Variants in STK32B observed in about 807,000 individuals in gnomAD.
The protein encoded by STK32B is serine/threonine-protein kinase 32B.
A neutral mutation model predicts 52.6 loss-of-function variants in STK32B; 43 were observed. The observed-to-expected ratio is 0.82, with a 90% CI of 0.64 to 1.05. The LOEUF (loss-of-function observed/expected upper bound fraction) is 1.05. Ranked by LOEUF, STK32B falls within the 50% of genes least tolerant of loss-of-function variation. The pLI is 0.00. For synonymous variants in STK32B, 238 were observed against 204.3 expected (o/e 1.17, Z -1.41); for missense variants, 621 against 534.6 (o/e 1.16, Z -1.59).
Position 5,092,102 on chromosome 4 carries a change from G to T in STK32B, c.52+40187G>T, listed in dbSNP as rs116824644. 6.4e-3 allele frequency among the ~76,000 whole-genome samples: 977 copies of T among 152,328 alleles called. 9 individuals are homozygous for T. Among genetic ancestry groups the T allele is most frequent in the African/African-American group, 0.022 (898 of 41,574 alleles). ...CTTCTTGCTGGAGTGAAACGTCCTG[G>T]AATTAGATAGAGGTATGGAATTAGA... On this transcript the variant is annotated intron_variant, in intron 1 of 11. Transcript: ENST00000282908.
chr4:5,072,716 C>G (rs1266013262), intron 1 of STK32B, among the ~76,000 whole-genome samples: 1 of 152,148 alleles, frequency 6.6e-6, no homozygotes. Context: ...CCTTCTGTTA[C>G]TGGTGTACTG....
At position 5,380,916 on chromosome 4, in the gene STK32B, C is replaced by T. The variant is rs1057388142; in HGVS notation, c.435-17291C>T. ...AGCTCATCATAGTTGTCAGTGCCAACGTCATCATTATCCTCTCCAGCAGCC... is the reference window on the plus strand; with the variant it reads ...AGCTCATCATAGTTGTCAGTGCCAATGTCATCATTATCCTCTCCAGCAGCC... On this transcript the variant is annotated intron_variant, in intron 4 of 11. Coordinates refer to ENST00000282908, the MANE Select transcript of STK32B (RefSeq NM_018401.3). The surrounding 1 kb of genome is among the most constrained non-coding windows in gnomAD (Gnocchi z 4.3). Among the ~76,000 whole-genome samples, 4 of 152,142 alleles carry T rather than the reference C, an allele frequency of 2.6e-5. No individual in the cohort carries two copies. The highest frequency in any genetic ancestry group is 4.1e-4 in the South Asian group (2 of 4,824).
chr4:5,019,805 G>T, the STK32B span, among the ~76,000 whole-genome samples: 1 of 152,134 alleles, frequency 6.6e-6, no homozygotes, highest in African/African-American at 2.4e-5. Context: ...GGAGGGGAGG[G>T]TCAGAGGAGA....
intron 2 of STK32B, among the ~76,000 whole-genome samples, chr4:5,141,271 G>A (rs1394715556): frequency 1.3e-5 from 2 of 152,174 alleles, no homozygotes; most frequent in African/African-American, 4.8e-5. Flanking sequence ...TGTCAGGGAC[G>A]TCCTTGATAA....
chr4:5,268,451 A>G (rs1367410453), intron 3 of STK32B, among the ~76,000 whole-genome samples: 1 of 151,364 alleles, frequency 6.6e-6, no homozygotes, highest in Non-Finnish European at 1.5e-5. Flanking sequence ...ACATTCCTTG[A>G]CTAATGTTTG....
At chr4:5,225,522 T>C (rs1723807601) in intron 3 of STK32B, among the ~76,000 whole-genome samples, 1 of 152,230 alleles carries the variant, frequency 6.6e-6, no homozygotes, top group Non-Finnish European at 1.5e-5. Flanking sequence ...TCACTTTCCA[T>C]GGTTTCAGTT....
At chr4:5,035,578 CT>C in the STK32B span, among the ~76,000 whole-genome samples, 1 of 152,154 alleles carries the variant, frequency 6.6e-6, no homozygotes, top group East Asian at 1.9e-4. Context: ...GCACTCTGCT[CT>C]TTGTCAGAGT....
chr4:5,088,312 T>C, intron 1 of STK32B, among the ~76,000 whole-genome samples: 1 of 151,936 alleles, frequency 6.6e-6, no homozygotes, highest in East Asian at 1.9e-4. Context: ...CTCATGGACA[T>C]AGAGAGTAGA....
At chr4:5,225,651 A>G (rs1417140156) in intron 3 of STK32B, among the ~76,000 whole-genome samples, 1 of 152,140 alleles carries the variant, frequency 6.6e-6, no homozygotes, top group Admixed American at 6.5e-5. Flanking sequence ...CACAGCATTT[A>G]GCCAGCACTT....
intron 5 of STK32B, among the ~76,000 whole-genome samples, chr4:5,412,049 T>C (rs1711732942): frequency 6.6e-6 from 1 of 151,924 alleles, no homozygotes; most frequent in South Asian, 2.1e-4. Context: ...TTCCAAGGGG[T>C]GTCAAAGGGT....
intron 5 of STK32B, among the ~76,000 whole-genome samples, chr4:5,406,108 A>AG (rs765851787): frequency 4.9e-4 from 74 of 152,326 alleles, no homozygotes; most frequent in Non-Finnish European, 8.8e-4. Flanking sequence ...TCCAAAAGGG[A>AG]GAGATCAGCT....
At chr4:5,115,004 T>C (rs1345639872) in intron 1 of STK32B, among the ~76,000 whole-genome samples, 1 of 152,160 alleles carries the variant, frequency 6.6e-6, no homozygotes, top group Admixed American at 6.5e-5. Flanking sequence ...AGACACCTGC[T>C]CGACATGGGG....
intron 1 of STK32B, among the ~76,000 whole-genome samples, chr4:5,085,116 G>A (rs893001260): frequency 3.5e-4 from 53 of 152,188 alleles, no homozygotes; most frequent in African/African-American, 1.2e-3. Context: ...AAATCCTGCA[G>A]TATGGTTTAC....
chr4:5,450,036 T>A (rs1004161773), intron 7 of STK32B, among the ~76,000 whole-genome samples: 5 of 152,104 alleles, frequency 3.3e-5, no homozygotes, highest in Admixed American at 3.3e-4. Context: ...TGGAAAAAAA[T>A]GTCTTCCACA....
chr4:5,101,356 AAG>A (rs1416825699), intron 1 of STK32B, among the ~76,000 whole-genome samples: 5 of 152,182 alleles, frequency 3.3e-5, no homozygotes, highest in African/African-American at 4.8e-5. Context: ...GTTTCTCTGA[AAG>A]AGAGAGGGGA....
intron 1 of STK32B, among the ~76,000 whole-genome samples, chr4:5,099,430 C>T (rs867200448): frequency 8.7e-6 from 1 of 114,380 alleles, no homozygotes. Flanking sequence ...TTCTGCAGTC[C>T]TCTGTGTGTG....
intron 3 of STK32B, among the ~76,000 whole-genome samples, chr4:5,206,503 G>A (rs999078159): frequency 4.6e-5 from 7 of 152,138 alleles, no homozygotes; most frequent in Admixed American, 2.0e-4. Flanking sequence ...TGACAGAGGC[G>A]TGACTTCTTC....
chr4:5,061,539 A>G (rs1742217979), intron 1 of STK32B, among the ~76,000 whole-genome samples: 1 of 152,170 alleles, frequency 6.6e-6, no homozygotes, highest in Admixed American at 6.5e-5. Flanking sequence ...CATGCTGGGT[A>G]TTACATAGGA....
At chr4:5,172,740 G>T (rs867665796) in intron 3 of STK32B, among the ~76,000 whole-genome samples, 1,814 of 152,172 alleles carry the variant, frequency 0.012, 31 homozygotes, top group African/African-American at 0.039. Flanking sequence ...TTTGCATCAA[G>T]GTTCATCAAG....
Sources: gnomAD v4.1 joint callset for allele counts (sites outside exome capture counted in the v4.1 genomes callset) on GRCh38, gnomAD v4.1.1 for gene constraint, Gnocchi (gnomAD v3.1) non-coding constraint, MANE v1.5 for transcripts, NCBI Gene and HGNC (gene_info 2026-07-23, HGNC 2026-07-21) for gene names.